Variants in MACROD2 observed in about 807,000 individuals in gnomAD.
MACROD2 encodes ADP-ribose glycohydrolase MACROD2.
MACROD2 carries 36 observed loss-of-function variants against 70.4 expected under a neutral mutation model. The observed-to-expected ratio is 0.51, with a 90% CI of 0.39 to 0.68. The LOEUF is 0.68. Ranked by LOEUF, MACROD2 falls within the 30% of genes least tolerant of loss-of-function variation. The probability of loss-of-function intolerance (pLI) is 0.00; values close to 1 mark genes in which losing one functional copy is unlikely to be tolerated. For synonymous variants in MACROD2, 172 were observed against 178.8 expected (o/e 0.96, Z 0.30); for missense variants, 496 against 538.4 (o/e 0.92, Z 0.78).
chr20:14,812,831 G>A (rs1264756873), intron 5 of MACROD2, among the ~76,000 whole-genome samples: 1 of 151,990 alleles, frequency 6.6e-6, no homozygotes, highest in Non-Finnish European at 1.5e-5. Context: ...GCTACCTGGA[G>A]GAAGAGTCAA....
At chr20:14,155,225 C>T (rs2055084862) in intron 3 of MACROD2, among the ~76,000 whole-genome samples, 1 of 151,938 alleles carries the variant, frequency 6.6e-6, no homozygotes. Flanking sequence ...TGAAACATAA[C>T]ATAAGTGAAA....
intron 3 of MACROD2, among the ~76,000 whole-genome samples, chr20:14,260,687 A>G (rs746067492): frequency 1.3e-5 from 2 of 152,214 alleles, no homozygotes; most frequent in Non-Finnish European, 2.9e-5. Flanking sequence ...TCATATATCT[A>G]TCATTTGTTA....
chr20:14,242,522 G>GC (rs2081938131), intron 3 of MACROD2, among the ~76,000 whole-genome samples: 1 of 152,104 alleles, frequency 6.6e-6, no homozygotes, highest in South Asian at 2.1e-4. Flanking sequence ...TATATTCACA[G>GC]CATAAAGAAA....
At chr20:15,847,454 C>T (rs1600990084) in intron 8 of MACROD2, among the ~76,000 whole-genome samples, 1 of 152,146 alleles carries the variant, frequency 6.6e-6, no homozygotes, top group Admixed American at 6.5e-5. Context: ...AATAAAGCAT[C>T]GTTTTCCTGC....
chr20:14,653,937 C>T (rs1985826359), intron 4 of MACROD2, among the ~76,000 whole-genome samples: 1 of 152,148 alleles, frequency 6.6e-6, no homozygotes, highest in Non-Finnish European at 1.5e-5. Context: ...GCTTGCTTGA[C>T]AGTACCTCTT....
At chr20:16,007,397 A>G (rs1357658029) in intron 15 of MACROD2, among the ~76,000 whole-genome samples, 1 of 152,174 alleles carries the variant, frequency 6.6e-6, no homozygotes, top group African/African-American at 2.4e-5. Flanking sequence ...ACTGCTGACA[A>G]CACCTTCACT....
intron 13 of MACROD2, among the ~76,000 whole-genome samples, chr20:15,980,038 G>T (rs990116962): frequency 2.6e-5 from 4 of 152,184 alleles, no homozygotes; most frequent in African/African-American, 4.8e-5. Flanking sequence ...ACATGAAAGG[G>T]TCGTGATTGA....
At chr20:15,918,299 G>T (rs779325319) in intron 10 of MACROD2, among the ~76,000 whole-genome samples, 1 of 152,128 alleles carries the variant, frequency 6.6e-6, no homozygotes, top group Non-Finnish European at 1.5e-5. Flanking sequence ...AAATTATTCT[G>T]ATTTAAAATT....
At chr20:15,002,984 A>G (rs2122903750) in intron 5 of MACROD2, among the ~76,000 whole-genome samples, 1 of 152,282 alleles carries the variant, frequency 6.6e-6, no homozygotes, top group Middle Eastern at 3.4e-3. Flanking sequence ...GTTACTTCCT[A>G]ATTGGATTAA....
chr20:14,460,335 C>G (rs2084353774), intron 3 of MACROD2, among the ~76,000 whole-genome samples: 1 of 152,154 alleles, frequency 6.6e-6, no homozygotes, highest in Non-Finnish European at 1.5e-5. Context: ...AATTTACACT[C>G]CCACCAACAG....
chr20:14,776,049 G>A (rs187505822), intron 5 of MACROD2, among the ~76,000 whole-genome samples: 54 of 152,146 alleles, frequency 3.5e-4, no homozygotes, highest in Non-Finnish European at 4.7e-4. Flanking sequence ...CCAAATGTGC[G>A]TGGGAAAGAG....
intron 5 of MACROD2, among the ~76,000 whole-genome samples, chr20:15,214,105 T>A (rs2076788015): frequency 6.6e-6 from 1 of 152,154 alleles, no homozygotes; most frequent in South Asian, 2.1e-4. Flanking sequence ...GCTTCTGTGC[T>A]TTCTCCAGCT....
intron 6 of MACROD2, among the ~76,000 whole-genome samples, chr20:15,423,698 C>T (rs927340932): frequency 6.6e-6 from 1 of 152,150 alleles, no homozygotes; most frequent in Non-Finnish European, 1.5e-5. Context: ...GGGCTCCACC[C>T]TTATCCCCTA....
chr20:15,786,325 G>A (rs2051926902), intron 8 of MACROD2, among the ~76,000 whole-genome samples: 1 of 151,936 alleles, frequency 6.6e-6, no homozygotes, highest in South Asian at 2.1e-4. Context: ...TGAGAAACAT[G>A]ATCCTAATTT....
intron 3 of MACROD2, among the ~76,000 whole-genome samples, chr20:14,307,307 C>T (rs2082529156): frequency 6.6e-6 from 1 of 152,032 alleles, no homozygotes. Flanking sequence ...GAATGTTGAC[C>T]TAAACTCATA....
intron 3 of MACROD2, among the ~76,000 whole-genome samples, chr20:14,122,921 C>T (rs1370042521): frequency 6.6e-6 from 1 of 152,098 alleles, no homozygotes; most frequent in Admixed American, 6.6e-5. Context: ...ATCCGTTATA[C>T]AGGATTAGAG....
At chr20:15,363,656 C>T (rs2078378373) in intron 6 of MACROD2, among the ~76,000 whole-genome samples, 1 of 152,104 alleles carries the variant, frequency 6.6e-6, no homozygotes, top group Non-Finnish European at 1.5e-5. Flanking sequence ...CACTGACCTG[C>T]CTGACATGCT....
At chr20:14,483,666 A>T (rs2084688499) in intron 3 of MACROD2, among the ~76,000 whole-genome samples, 1 of 152,232 alleles carries the variant, frequency 6.6e-6, no homozygotes, top group Non-Finnish European at 1.5e-5. Context: ...TTGGCCTCCC[A>T]AAGTGCTGAG....
chr20:15,653,585 A>G (rs1416206697), intron 8 of MACROD2, among the ~76,000 whole-genome samples: 1 of 152,146 alleles, frequency 6.6e-6, no homozygotes, highest in African/African-American at 2.4e-5. Context: ...GTCTAAACTC[A>G]TAGTAGGCTG....
Sources: allele counts gnomAD v4.1 joint callset (sites outside exome capture counted in the v4.1 genomes callset), GRCh38; gene constraint gnomAD v4.1.1; transcripts MANE v1.5; gene names NCBI Gene and HGNC (gene_info 2026-07-23, HGNC 2026-07-21).